The following UBE2F variants were observed in gnomAD, a reference collection of about 807,000 sequenced individuals.
The protein encoded by UBE2F is NEDD8-conjugating enzyme UBE2F.
Under a neutral mutation model 29.6 loss-of-function variants are expected in UBE2F, and 5 were observed. The ratio of observed to expected loss-of-function variants is 0.17; its 90% confidence interval spans 0.09 to 0.36. The LOEUF is 0.36. Ranked by LOEUF, UBE2F falls within the 10% of genes least tolerant of loss-of-function variation. The pLI, the probability that UBE2F is intolerant of heterozygous loss-of-function variation, is 1.00. For missense variants in UBE2F, 141 were observed against 228.5 expected (o/e 0.62, Z 2.47); for synonymous variants, 66 against 81.8 (o/e 0.81, Z 1.04).
chr2:238,031,024 G>T (rs1310927938), intron 7 of UBE2F, among the ~76,000 whole-genome samples: 1 of 152,214 alleles, frequency 6.6e-6, no homozygotes, highest in Non-Finnish European at 1.5e-5. Flanking sequence ...ACTGTCAGGT[G>T]TTGGGTACCT....
At chr2:237,996,457 T>C (rs1484086261) in intron 4 of UBE2F, among the ~76,000 whole-genome samples, 1 of 145,188 alleles carries the variant, frequency 6.9e-6, no homozygotes, top group Non-Finnish European at 1.5e-5. Flanking sequence ...TAAATGTTTC[T>C]TCCCCGCCTC....
At chr2:237,983,893 C>G (rs1036435189) in intron 2 of UBE2F, among the ~76,000 whole-genome samples, 1 of 152,074 alleles carries the variant, frequency 6.6e-6, no homozygotes, top group Admixed American at 6.6e-5. Flanking sequence ...GTTCCTTGGC[C>G]GTTGCTTTCT....
At chr2:237,969,737 GATC>G (rs2063135105) in intron 1 of UBE2F, among the ~76,000 whole-genome samples, 1 of 152,202 alleles carries the variant, frequency 6.6e-6, no homozygotes, top group Non-Finnish European at 1.5e-5. Context: ...TTTTTGACAA[GATC>G]ATTCCAGGTA....
intron 2 of UBE2F, among the ~76,000 whole-genome samples, chr2:237,977,760 A>G (rs1011751856): frequency 6.6e-6 from 1 of 152,096 alleles, no homozygotes; most frequent in African/African-American, 2.4e-5. Context: ...GGACTTTGAG[A>G]AAAGTAGAGT....
In UBE2F at chr2:237,967,068, G is replaced by T; in HGVS notation, c.-81G>T. The T allele has an allele frequency of 7.5e-7, 1 of 1,325,546 alleles. No homozygotes were observed. The allele number at this position is 1,325,546 out of a possible 1,614,324, so 82.1% of individuals were successfully genotyped here. On this transcript the variant is annotated 5_prime_UTR_variant, in exon 1 of 10. Coordinates refer to ENST00000272930, the MANE Select transcript of UBE2F (RefSeq NM_080678.3). The surrounding 1 kb of genome is among the most constrained non-coding windows in gnomAD (Gnocchi z 6.3). ...CGGCTGTGAGGGGCCGCGTCTCGCA[G>T]CAGCCGCCCGGACCGGGCATGGTGT...
At chr2:238,016,674 C>A in intron 5 of UBE2F, 41 bp downstream of exon 5, 17 of 1,580,612 alleles carry the variant, frequency 1.1e-5, no homozygotes, top group South Asian at 2.3e-5. Context: ...ACTTCTCGGG[C>A]GGGGCTGCCT....
intron 2 of UBE2F, among the ~76,000 whole-genome samples, chr2:237,985,745 C>T (rs534642163): frequency 6.6e-6 from 1 of 152,122 alleles, no homozygotes; most frequent in Non-Finnish European, 1.5e-5. Flanking sequence ...TATGGTAGTT[C>T]TATTTTTAAT....
chr2:238,033,546 G>A (rs751255767), intron 8 of UBE2F, among the ~76,000 whole-genome samples: 42 of 152,166 alleles, frequency 2.8e-4, no homozygotes, highest in Non-Finnish European at 2.2e-4. Context: ...GCACCTGCAG[G>A]ACTCAGTTAA....
intron 4 of UBE2F, among the ~76,000 whole-genome samples, chr2:237,999,584 T>C (rs911673844): frequency 6.6e-6 from 1 of 152,202 alleles, no homozygotes; most frequent in African/African-American, 2.4e-5. Context: ...TGAGATTTAC[T>C]TTATCTATCT....
intron 2 of UBE2F, among the ~76,000 whole-genome samples, chr2:237,974,525 T>TG (rs2063239040): frequency 6.9e-6 from 1 of 144,598 alleles, no homozygotes; most frequent in African/African-American, 2.6e-5. Context: ...GTTTTTTTTT[T>TG]TTTTTTGAGA....
At chr2:237,990,279 T>C in intron 3 of UBE2F, 1 of 378,018 alleles carries the variant, frequency 2.6e-6, no homozygotes. Flanking sequence ...GATGGGTTCA[T>C]TATACTCTTC....
At chr2:237,974,960 CAG>C (rs1233722146) in intron 2 of UBE2F, among the ~76,000 whole-genome samples, 1 of 149,444 alleles carries the variant, frequency 6.7e-6, no homozygotes, top group African/African-American at 2.5e-5. Flanking sequence ...TAAATGGAGA[CAG>C]AGTTTCACCA....
At chr2:237,977,194 C>G (rs2063298892) in intron 2 of UBE2F, among the ~76,000 whole-genome samples, 2 of 151,796 alleles carry the variant, frequency 1.3e-5, no homozygotes, top group Non-Finnish European at 2.9e-5. Context: ...GTTCTCTGAC[C>G]TTGTGCAACC....
intron 7 of UBE2F, among the ~76,000 whole-genome samples, chr2:238,031,473 T>C (rs1243179379): frequency 6.6e-6 from 1 of 152,132 alleles, no homozygotes; most frequent in East Asian, 1.9e-4. Flanking sequence ...TAGGCCTGGC[T>C]CACATCGGAA....
At chr2:238,024,191 T>C (rs1315820245) in intron 5 of UBE2F, among the ~76,000 whole-genome samples, 1 of 152,218 alleles carries the variant, frequency 6.6e-6, no homozygotes, top group Non-Finnish European at 1.5e-5. Context: ...CTGGGTAGCA[T>C]TTTGATGGAG....
Position 238,004,403 on chromosome 2 carries a change from A to AT in UBE2F, c.214+9595dup, listed in dbSNP as rs1171879958. 2.0e-5 allele frequency among the ~76,000 whole-genome samples: 3 copies of AT among 151,050 alleles called. No homozygotes were observed. In the East Asian group the frequency reaches 5.8e-4, roughly 29 times the overall value. ...AACTGTTGTGCTCATTTAAAAAAAA[A>AT]TAAGGTTTTTTTTTCTTATTGTGGG... On this transcript the variant is annotated intron_variant, in intron 4 of 9. Transcript: ENST00000272930.
intron 3 of UBE2F, 54 bp downstream of exon 3, chr2:237,988,046 A>G: frequency 9.1e-7 from 1 of 1,095,762 alleles, no homozygotes; most frequent in South Asian, 1.7e-5. Flanking sequence ...CATGAAGAAA[A>G]CTTTTTATGT....
chr2:238,016,676 G>A, intron 5 of UBE2F, 43 bp downstream of exon 5: 1 of 1,580,488 alleles, frequency 6.3e-7, no homozygotes, highest in Non-Finnish European at 8.6e-7. Flanking sequence ...TTCTCGGGCG[G>A]GGCTGCCTGT....
At chr2:238,022,676 T>C (rs2064324227) in intron 5 of UBE2F, among the ~76,000 whole-genome samples, 1 of 152,170 alleles carries the variant, frequency 6.6e-6, no homozygotes, top group Non-Finnish European at 1.5e-5. Flanking sequence ...TCCAAATGGG[T>C]AGCCAGTGAC....
Sources: allele counts gnomAD v4.1 joint callset (sites outside exome capture counted in the v4.1 genomes callset), GRCh38; gene constraint gnomAD v4.1.1; non-coding constraint Gnocchi (gnomAD v3.1); transcripts MANE v1.5; gene names NCBI Gene and HGNC (gene_info 2026-07-23, HGNC 2026-07-21).